KIF26B: variants seen among roughly 807,000 people sequenced by gnomAD.
KIF26B encodes kinesin family member 26B, also known as kinesin-like protein KIF26B.
In KIF26B, 63 loss-of-function variants were observed where a neutral mutation model predicts 151.2. The observed-to-expected ratio is 0.42, with a 90% CI of 0.34 to 0.51. KIF26B has a LOEUF of 0.51. Among genes scored for constraint, KIF26B ranks in the 20% least tolerant of loss-of-function variants. KIF26B has a pLI of 0.07. For missense variants in KIF26B, 2,813 were observed against 2,913.6 expected (o/e 0.97, Z 0.79); for synonymous variants, 1,357 against 1,262.1 (o/e 1.08, Z -1.59).
At chr1:245,411,763 C>T (rs1674291176) in intron 3 of KIF26B, among the ~76,000 whole-genome samples, 1 of 152,170 alleles carries the variant, frequency 6.6e-6, no homozygotes, top group South Asian at 2.1e-4. Flanking sequence ...AGACATATTC[C>T]TGCAGTCAAA....
chr1:245,590,061 G>A (rs2043269863), intron 5 of KIF26B, among the ~76,000 whole-genome samples: 1 of 152,052 alleles, frequency 6.6e-6, no homozygotes, highest in Admixed American at 6.5e-5. Context: ...ACACATGAGT[G>A]AGCTTTACTC....
chr1:245,377,063 C>G (rs1045731127), intron 3 of KIF26B, among the ~76,000 whole-genome samples: 1 of 151,874 alleles, frequency 6.6e-6, no homozygotes, highest in Non-Finnish European at 1.5e-5. Flanking sequence ...TACAGGCACG[C>G]ATCACCACGC....
chr1:245,650,307 G>A (rs1198568758), intron 10 of KIF26B, among the ~76,000 whole-genome samples: 3 of 152,220 alleles, frequency 2.0e-5, no homozygotes, highest in African/African-American at 7.2e-5. Context: ...AAGGTGCTAG[G>A]AATCTTCCCA....
chr1:245,454,665 T>A (rs1196824428), intron 4 of KIF26B, among the ~76,000 whole-genome samples: 1 of 152,200 alleles, frequency 6.6e-6, no homozygotes, highest in Admixed American at 6.5e-5. Flanking sequence ...TTGAGAAAAC[T>A]ATTGAGGAGG....
chr1:245,413,587 C>T (rs955048456), intron 3 of KIF26B, among the ~76,000 whole-genome samples: 7 of 152,158 alleles, frequency 4.6e-5, no homozygotes, highest in African/African-American at 1.4e-4. Flanking sequence ...CGCTTGAACC[C>T]GGAAGGCGGA....
At chr1:245,371,962 T>C (rs10924185) in intron 3 of KIF26B, among the ~76,000 whole-genome samples, 12,266 of 152,282 alleles carry the variant, frequency 0.081, 815 homozygotes, top group East Asian at 0.38. Context: ...GACTTTCTTC[T>C]GTTCATCTGC....
intron 4 of KIF26B, among the ~76,000 whole-genome samples, chr1:245,476,126 C>T (rs889801976): frequency 5.3e-5 from 8 of 151,860 alleles, no homozygotes; most frequent in African/African-American, 1.9e-4. Flanking sequence ...ACCTTGTAAA[C>T]GTTCTGGTAG....
chr1:245,264,763 G>A (rs906046085), intron 2 of KIF26B, among the ~76,000 whole-genome samples: 2 of 150,852 alleles, frequency 1.3e-5, no homozygotes, highest in Non-Finnish European at 3.0e-5. Flanking sequence ...TGTGGTGGCG[G>A]GCTCCTGTAG....
chr1:245,532,385 A>G lies in KIF26B; in HGVS notation c.1167-8382A>G, dbSNP rs573795059. ...CTCAGCCTCCCGAGTAGCTGGGACTACAGGCGCCCGCCACCATGCCCAGCT... is the reference window on the plus strand; with the variant it reads ...CTCAGCCTCCCGAGTAGCTGGGACTGCAGGCGCCCGCCACCATGCCCAGCT... On this transcript the variant is annotated intron_variant, in intron 4 of 14. Transcript: ENST00000407071. Among the ~76,000 whole-genome samples, 26 of 151,532 alleles carry G rather than the reference A, an allele frequency of 1.7e-4. No individual in the cohort carries two copies. The South Asian group carries it at 3.6e-3, about 21-fold the overall frequency.
intron 2 of KIF26B, among the ~76,000 whole-genome samples, chr1:245,253,873 G>C (rs576717223): frequency 1.5e-5 from 2 of 135,818 alleles, no homozygotes; most frequent in Admixed American, 1.6e-4. Context: ...GCAGTGGCGC[G>C]ATCCCTGCTC....
chr1:245,181,600 G>A (rs1668909038), intron 2 of KIF26B, among the ~76,000 whole-genome samples: 2 of 152,024 alleles, frequency 1.3e-5, no homozygotes, highest in South Asian at 4.1e-4. Context: ...GCCATGTTCG[G>A]AAAGGACCTG....
intron 2 of KIF26B, among the ~76,000 whole-genome samples, chr1:245,277,507 G>A (rs1198613070): frequency 2.0e-5 from 3 of 152,176 alleles, no homozygotes. Flanking sequence ...TGCTTTGTGG[G>A]GAGTGTGCGA....
At chr1:245,192,245 CAG>C (rs148583873) in intron 2 of KIF26B, among the ~76,000 whole-genome samples, 13,805 of 151,822 alleles carry the variant, frequency 0.091, 928 homozygotes, top group Admixed American at 0.22. Context: ...TCCCATGTTT[CAG>C]GGGACGTGCT....
intron 10 of KIF26B, among the ~76,000 whole-genome samples, chr1:245,671,706 C>G (rs911362598): frequency 2.6e-5 from 4 of 152,224 alleles, no homozygotes; most frequent in African/African-American, 9.6e-5. Flanking sequence ...GTTGCTAGTT[C>G]TGTCAGACTT....
chr1:245,266,355 T>G (rs1422413728), intron 2 of KIF26B, among the ~76,000 whole-genome samples: 1 of 152,198 alleles, frequency 6.6e-6, no homozygotes, highest in Non-Finnish European at 1.5e-5. Flanking sequence ...GACTGTAATT[T>G]GGCACAACTT....
intron 2 of KIF26B, among the ~76,000 whole-genome samples, chr1:245,306,039 T>C (rs1295786515): frequency 3.3e-5 from 5 of 151,944 alleles, no homozygotes; most frequent in African/African-American, 1.2e-4. Flanking sequence ...TGTTATCATA[T>C]GACCCAACAA....
At position 245,431,201 on chromosome 1, in the gene KIF26B, CAG is replaced by C. The variant is rs374053359; in HGVS notation, c.1166+11459_1166+11460del. 4.8e-3 allele frequency among the ~76,000 whole-genome samples: 730 copies of C among 152,280 alleles called. 8 individuals are homozygous for C. The highest frequency in any genetic ancestry group is 0.016 in the African/African-American group (677 of 41,546). ...GGAACAACTACTCTTTTTTTTGAGA[CAG>C]AGTCTCGCTCCGTCGCCCAGGCTGG... is the stretch of plus-strand genomic sequence containing the variant. On this transcript the variant is annotated intron_variant, in intron 4 of 14. Coordinates refer to ENST00000407071, the MANE Select transcript of KIF26B (RefSeq NM_018012.4).
intron 4 of KIF26B, among the ~76,000 whole-genome samples, chr1:245,421,174 A>C (rs1658477566): frequency 6.6e-6 from 1 of 152,186 alleles, no homozygotes; most frequent in African/African-American, 2.4e-5. Context: ...CATGCCATTT[A>C]GGGAGAGAAT....
chr1:245,390,944 A>AC (rs1294527850), intron 3 of KIF26B, among the ~76,000 whole-genome samples: 2 of 121,066 alleles, frequency 1.7e-5, no homozygotes, highest in Admixed American at 7.7e-5. Context: ...AAAAAAAAAA[A>AC]AAAAAAAACC....
Sources: gnomAD v4.1 joint callset for allele counts (sites outside exome capture counted in the v4.1 genomes callset) on GRCh38, gnomAD v4.1.1 for gene constraint, MANE v1.5 for transcripts, NCBI Gene and HGNC (gene_info 2026-07-23, HGNC 2026-07-21) for gene names.